The following SYT14 variants were observed in gnomAD, a reference collection of about 807,000 sequenced individuals.
SYT14 encodes the protein synaptotagmin 14, also known as synaptotagmin-14.
A neutral mutation model predicts 74.2 loss-of-function variants in SYT14; 32 were observed. That is an observed-to-expected ratio of 0.43 (90% CI 0.33 to 0.58). The LOEUF is 0.58. Ranked by LOEUF, SYT14 falls within the 20% of genes least tolerant of loss-of-function variation. The pLI, the probability that SYT14 is intolerant of heterozygous loss-of-function variation, is 0.05. For missense variants in SYT14, 791 were observed against 981.8 expected (o/e 0.81, Z 2.60); for synonymous variants, 298 against 337.7 (o/e 0.88, Z 1.29).
rs536760706 is a variant in SYT14, at chr1:209,951,862, T to C, written c.-533-847T>C. Among the ~76,000 whole-genome samples, 5 of 152,312 alleles carry C rather than the reference T, an allele frequency of 3.3e-5. No individual in the cohort carries two copies. The East Asian group carries it at 5.8e-4, about 18-fold the overall frequency. ...ATAGTTTGATCTTACCAACCTAATA[T>C]TGAAAGAAGTAGGACTCAAAAATGC... is the stretch of plus-strand genomic sequence containing the variant. On this transcript the variant is annotated intron_variant, in intron 1 of 9. Coordinates refer to ENST00000637265, the Ensembl canonical transcript of SYT14.
chr1:209,971,044 A>G (rs191882711), intron 2 of SYT14, among the ~76,000 whole-genome samples: 68 of 152,196 alleles, frequency 4.5e-4, no homozygotes, highest in African/African-American at 1.5e-3. Context: ...TTCCATTTGT[A>G]TCATCTATGA....
At chr1:209,941,952 A>G (rs943280195) in intron 1 of SYT14, among the ~76,000 whole-genome samples, 5 of 152,212 alleles carry the variant, frequency 3.3e-5, no homozygotes, top group Non-Finnish European at 5.9e-5. Context: ...AATACCTACT[A>G]TAATGTAAAT....
chr1:210,130,693 C>T (rs981372134), intron 7 of SYT14, among the ~76,000 whole-genome samples: 1 of 152,140 alleles, frequency 6.6e-6, no homozygotes, highest in East Asian at 1.9e-4. Context: ...AATAACACAT[C>T]GTGATAAAGT....
rs548366964 is a variant in SYT14 at position 210,130,690 on chromosome 1, C to T, written c.2035-25031C>T. Among the ~76,000 whole-genome samples the T allele has an allele frequency of 1.2e-3, 177 of 152,286 alleles. 1 individual carries two copies. The highest frequency in any genetic ancestry group is 4.0e-3 in the African/African-American group (166 of 41,560). On this transcript the variant is annotated intron_variant, in intron 7 of 9. Coordinates refer to ENST00000637265, the Ensembl canonical transcript of SYT14. Reference sequence around the variant, plus strand: ...TTAAAAGATTTGTTCCAAAATAACACATCGTGATAAAGTGAAATAGAAACC... The same window carrying T: ...TTAAAAGATTTGTTCCAAAATAACATATCGTGATAAAGTGAAATAGAAACC...
intron 7 of SYT14, among the ~76,000 whole-genome samples, chr1:210,109,122 A>G (rs1257287095): frequency 6.6e-6 from 1 of 152,200 alleles, no homozygotes; most frequent in African/African-American, 2.4e-5. Context: ...AAACAACTCC[A>G]TCAAAAAGTG....
intron 5 of SYT14, among the ~76,000 whole-genome samples, chr1:210,070,641 G>A (rs1291716264): frequency 6.6e-6 from 1 of 152,020 alleles, no homozygotes; most frequent in African/African-American, 2.4e-5. Flanking sequence ...CACAAAATAG[G>A]TCTTAAAACA....
intron 2 of SYT14, among the ~76,000 whole-genome samples, chr1:210,006,299 G>A (rs2079986958): frequency 6.6e-6 from 1 of 151,530 alleles, no homozygotes; most frequent in Non-Finnish European, 1.5e-5. Context: ...AAAATTTGAG[G>A]GAAATTTTAT....
intron 5 of SYT14, among the ~76,000 whole-genome samples, chr1:210,032,481 G>A (rs1341843592): frequency 1.3e-5 from 2 of 151,868 alleles, no homozygotes; most frequent in East Asian, 3.9e-4. Context: ...AAGTTTCCAA[G>A]TTATCATTTA....
At chr1:210,134,333 C>G (rs1353993231) in intron 7 of SYT14, among the ~76,000 whole-genome samples, 5 of 152,086 alleles carry the variant, frequency 3.3e-5, no homozygotes, top group Admixed American at 3.3e-4. Context: ...TCTTGAACTC[C>G]TGGGCTCAAG....
intron 7 of SYT14, among the ~76,000 whole-genome samples, chr1:210,134,692 C>G (rs1189022243): frequency 1.3e-5 from 2 of 152,128 alleles, no homozygotes; most frequent in African/African-American, 2.4e-5. Context: ...TTTTCCTCCT[C>G]CTCCATTTCC....
intron 7 of SYT14, among the ~76,000 whole-genome samples, chr1:210,108,471 C>T (rs542712035): frequency 6.6e-5 from 10 of 152,114 alleles, no homozygotes; most frequent in African/African-American, 2.2e-4. Flanking sequence ...AGAATCCAAA[C>T]GAGAGTGGCA....
At chr1:210,039,173 C>T (rs938902960) in intron 5 of SYT14, among the ~76,000 whole-genome samples, 2 of 151,828 alleles carry the variant, frequency 1.3e-5, no homozygotes, top group African/African-American at 4.8e-5. Context: ...GAGATTCTTT[C>T]TTCTGCTTGG....
exon 10 of SYT14, chr1:210,162,896 C>A: frequency 2.2e-6 from 1 of 453,302 alleles, no homozygotes; most frequent in South Asian, 1.6e-5. Flanking sequence ...GGGAAAAATC[C>A]ATCTTTTATT....
chr1:210,081,573 G>A (rs943846391), intron 5 of SYT14, among the ~76,000 whole-genome samples: 8 of 152,188 alleles, frequency 5.3e-5, no homozygotes, highest in African/African-American at 1.9e-4. Flanking sequence ...TTGGGAAAAT[G>A]GCACTAGTAG....
chr1:209,951,577 A>G (rs578195212), intron 1 of SYT14, among the ~76,000 whole-genome samples: 2 of 152,270 alleles, frequency 1.3e-5, no homozygotes, highest in South Asian at 4.1e-4. Context: ...CTTGCCCCAT[A>G]AACCCAGCTG....
At chr1:209,973,834 A>G (rs1388488416) in intron 2 of SYT14, among the ~76,000 whole-genome samples, 5 of 152,194 alleles carry the variant, frequency 3.3e-5, no homozygotes, top group Admixed American at 2.0e-4. Context: ...CCAACAGTGT[A>G]AAAGTGTTCC....
chr1:209,985,404 G>A (rs1475320966), intron 2 of SYT14, among the ~76,000 whole-genome samples: 2 of 152,322 alleles, frequency 1.3e-5, no homozygotes, highest in East Asian at 3.9e-4. Flanking sequence ...CTATATTCAG[G>A]GCACACTGCT....
intron 7 of SYT14, among the ~76,000 whole-genome samples, chr1:210,141,085 T>C (rs2082905918): frequency 6.6e-6 from 1 of 151,720 alleles, no homozygotes; most frequent in Non-Finnish European, 1.5e-5. Context: ...GCAATTTTGA[T>C]AGGGATCGCA....
At chr1:210,034,960 T>C (rs992293896) in intron 5 of SYT14, among the ~76,000 whole-genome samples, 2 of 151,882 alleles carry the variant, frequency 1.3e-5, no homozygotes, top group Admixed American at 6.6e-5. Flanking sequence ...TTTTTTGATA[T>C]AATGATTTCT....
Sources: allele counts gnomAD v4.1 joint callset (sites outside exome capture counted in the v4.1 genomes callset), GRCh38; gene constraint gnomAD v4.1.1; transcripts MANE v1.5; gene names NCBI Gene and HGNC (gene_info 2026-07-23, HGNC 2026-07-21).